IQCE: variants seen among roughly 807,000 people sequenced by gnomAD.
IQCE encodes the protein IQ domain-containing protein E.
Under a neutral mutation model 96.0 loss-of-function variants are expected in IQCE, and 115 were observed. That is an observed-to-expected ratio of 1.20 (90% CI 1.03 to 1.40). The LOEUF is 1.40. Ranked by LOEUF, IQCE falls within the 40% of genes most tolerant of loss-of-function variation. IQCE has a pLI of 0.00. For synonymous variants in IQCE, 412 were observed against 371.2 expected, an observed-to-expected ratio of 1.11 and a Z score of -1.26; for missense variants, 1,041 against 909.1, an observed-to-expected ratio of 1.15 and a Z score of -1.87.
At chr7:2,599,195 TTTTG>T (rs563663245) in intron 17 of IQCE, among the ~76,000 whole-genome samples, 26 of 152,246 alleles carry the variant, frequency 1.7e-4, no homozygotes, top group South Asian at 4.2e-4. Context: ...CCCTGACCGA[TTTTG>T]TTTGTTTGTT....
At chr7:2,595,423 T>C (rs1468873857) in intron 16 of IQCE, among the ~76,000 whole-genome samples, 1 of 152,176 alleles carries the variant, frequency 6.6e-6, no homozygotes, top group Non-Finnish European at 1.5e-5. Flanking sequence ...GGGGTGGGGC[T>C]TCCTGTGCCC....
intron 5 of IQCE, chr7:2,572,795 T>G (rs1265002830): frequency 2.2e-6 from 1 of 452,846 alleles, no homozygotes; most frequent in Admixed American, 2.4e-5. Context: ...CCTCTCACCT[T>G]GGCCTCCCAG....
chr7:2,598,303 T>C, intron 16 of IQCE, 162 bp from the exon 17 acceptor site: 1 of 613,566 alleles, frequency 1.6e-6, no homozygotes, highest in Non-Finnish European at 2.8e-6. Flanking sequence ...ACCGCTGTCA[T>C]GTGGTCTGCA....
intron 1 of IQCE, 34 bp from the exon 2 acceptor site, chr7:2,567,082 C>T (rs375630250): frequency 1.6e-5 from 26 of 1,599,614 alleles, no homozygotes; most frequent in Admixed American, 1.3e-4. Context: ...CAGCAGGTGC[C>T]GTCGAGTTAC....
chr7:2,581,937 C>A lies in IQCE; in HGVS notation c.631-643C>A, dbSNP rs533294553. 2.7e-5 allele frequency: 10 copies of A among 367,248 alleles called. No individual in the cohort carries two copies. The Admixed American group carries it at 3.3e-4, about 12-fold the overall frequency. The allele number at this position is 367,248 out of a possible 1,614,324, so 22.7% of individuals were successfully genotyped here. On this transcript the variant is annotated intron_variant, in intron 8 of 21. Transcript: ENST00000402050. ...CCTTGTTAGCCAGGATGGTCTTGATCTCCTGACCCCATGATCCACCCGCCT... is the reference window on the plus strand; with the variant it reads ...CCTTGTTAGCCAGGATGGTCTTGATATCCTGACCCCATGATCCACCCGCCT...
At chr7:2,593,221 C>G (rs201802365) in intron 15 of IQCE, 95 bp downstream of exon 15, 10 of 1,479,164 alleles carry the variant, frequency 6.8e-6, no homozygotes, top group Non-Finnish European at 9.0e-6. Context: ...TTGCTGCCAG[C>G]CGGCTTCTTA....
intron 20 of IQCE, among the ~76,000 whole-genome samples, chr7:2,606,566 G>C (rs972465089): frequency 1.3e-5 from 2 of 152,278 alleles, no homozygotes; most frequent in African/African-American, 4.8e-5. Context: ...CACCCCGCAT[G>C]GGGTTTGTTC....
chr7:2,603,477 CT>C (rs57006190), intron 18 of IQCE, among the ~76,000 whole-genome samples: 2 of 152,126 alleles, frequency 1.3e-5, no homozygotes, highest in African/African-American at 2.4e-5. Context: ...TCCTGCTTCT[CT>C]CCCTGGCGCC....
chr7:2,596,876 G>A (rs1218452562), intron 16 of IQCE: 3 of 436,116 alleles, frequency 6.9e-6, no homozygotes, highest in Non-Finnish European at 1.5e-5. Flanking sequence ...CGGAATGCTG[G>A]TGCCAAGCAA....
At position 2,610,093 on chromosome 7, in the gene IQCE, C is replaced by T. The variant is rs145155468; in HGVS notation, c.2019C>T (p.Asp673=). 3.7e-4 allele frequency: 595 copies of T among 1,613,114 alleles called. 1 individual carries two copies. Among genetic ancestry groups the T allele is most frequent in the Non-Finnish European group, 4.8e-4 (562 of 1,179,076 alleles). ...CCTTGGCACCTCTACCTGGGGATGACGTCAACTCCGATGATTCCGACGATA... is the reference window on the plus strand; with the variant it reads ...CCTTGGCACCTCTACCTGGGGATGATGTCAACTCCGATGATTCCGACGATA... ...PQALAPLPGD[D]VNSDDSDDIV... is the part of the protein sequence containing the mutation. Residue 673 remains aspartate (D), a synonymous_variant, in exon 22 of 22, where the codon GAC becomes GAT. Transcript: ENST00000402050.
chr7:2,599,966 G>T (rs533138371), intron 17 of IQCE, among the ~76,000 whole-genome samples: 25 of 152,112 alleles, frequency 1.6e-4, no homozygotes, highest in African/African-American at 6.0e-4. Context: ...GCTAATTTTT[G>T]TATTTTTATT....
chr7:2,604,988 C>T lies in IQCE; in HGVS notation c.1740C>T (p.Asp580=), dbSNP rs1192822356. The T allele has an allele frequency of 1.2e-6, 2 of 1,609,450 alleles. No individual in the cohort carries two copies. The highest frequency in any genetic ancestry group is 1.7e-6 in the Non-Finnish European group (2 of 1,176,348). ...SEPPSVPGLP[D]QSSPVPRVPS... is the part of the protein sequence containing the mutation. ...CACCCAGCGTGCCAGGCCTCCCAGA[C>T]CAGGTAATGTCGGGGTGCTGGACGT... The change falls in exon 19 of 22, where the codon GAC becomes GAT. Residue 580 remains aspartate, a synonymous_variant. Coordinates refer to ENST00000402050, the MANE Select transcript of IQCE (RefSeq NM_152558.5).
intron 17 of IQCE, among the ~76,000 whole-genome samples, chr7:2,599,974 A>T (rs1193587124): frequency 6.6e-6 from 1 of 151,556 alleles, no homozygotes; most frequent in African/African-American, 2.4e-5. Context: ...TTGTATTTTT[A>T]TTAGAGACAG....
chr7:2,582,628 A>G lies in IQCE; in HGVS notation c.679A>G (p.Lys227Glu), dbSNP rs1440014502. Residue 227 changes from lysine (K) to glutamate (E), a missense_variant, in exon 9 of 22, where the codon AAG (lysine) becomes GAG (glutamate). By Grantham distance (56) the Lys-to-Glu change is moderately conservative (BLOSUM62 1). Coordinates refer to ENST00000402050, the MANE Select transcript of IQCE (RefSeq NM_152558.5). ...GATCCTGAAGCTGGAACAGCAGTGC[A>G]AGGAGAAGGACGGCACCATCAGGTG... ...QRILKLEQQC[K>E]EKDGTISKLQ... 6.2e-7 allele frequency: 1 copy of G among 1,613,852 alleles called. No individual in the cohort carries two copies. The highest frequency in any genetic ancestry group is 1.3e-5 in the African/African-American group (1 of 74,864).
Position 2,610,078 on chromosome 7 carries a change from T to G in IQCE, c.2004T>G (p.Pro668=). 1 of 1,611,904 alleles carries G rather than the reference T, an allele frequency of 6.2e-7. No homozygotes were observed. The highest frequency in any genetic ancestry group is 8.5e-7 in the Non-Finnish European group (1 of 1,177,976). Residue 668 remains proline (P), a synonymous_variant, in exon 22 of 22, where the codon CCT becomes CCG. Transcript: ENST00000402050. ...PSPSGPQALA[P]LPGDDVNSDD... Reference sequence around the variant, plus strand: ...CCTCAGGGCCACAGGCCTTGGCACCTCTACCTGGGGATGACGTCAACTCCG... The same window carrying G: ...CCTCAGGGCCACAGGCCTTGGCACCGCTACCTGGGGATGACGTCAACTCCG...
intron 15 of IQCE, among the ~76,000 whole-genome samples, chr7:2,594,429 C>T (rs1783858617): frequency 6.6e-6 from 1 of 152,202 alleles, no homozygotes; most frequent in Non-Finnish European, 1.5e-5. Context: ...GCCTTCTGTT[C>T]ATACTGTTTA....
chr7:2,565,919 A>G (rs1781338984), intron 1 of IQCE, among the ~76,000 whole-genome samples: 1 of 152,176 alleles, frequency 6.6e-6, no homozygotes, highest in African/African-American at 2.4e-5. Context: ...TGGCCTGTCT[A>G]GTTGCACCTT....
In IQCE at chr7:2,582,577, CAGGTCATTAACG is replaced by C; in HGVS notation, c.631-2_640del. On this transcript the variant is annotated splice_acceptor_variant and coding_sequence_variant, in exon 9 of 22. Transcript: ENST00000402050. LOFTEE classifies it high-confidence loss of function. ...CTGCCTGATGGGCACGTTCCCCGGG[CAGGTCATTAACG>C]GGCTGAAGCAGAGGATCCTGAAGCT... 6.2e-7 allele frequency: 1 copy of C among 1,613,828 alleles called. No homozygotes were observed. The highest frequency in any genetic ancestry group is 8.5e-7 in the Non-Finnish European group (1 of 1,179,842).
chr7:2,589,384 T>TA (rs1387647345), intron 13 of IQCE, among the ~76,000 whole-genome samples: 1 of 152,044 alleles, frequency 6.6e-6, no homozygotes, highest in Admixed American at 6.6e-5. Context: ...AAAGGTTCTA[T>TA]AAATTGTGGG....
Sources: gnomAD v4.1 joint callset for allele counts (sites outside exome capture counted in the v4.1 genomes callset) on GRCh38, gnomAD v4.1.1 for gene constraint, MANE v1.5 for transcripts, NCBI Gene and HGNC (gene_info 2026-07-23, HGNC 2026-07-21) for gene names.